The following NAV3 variants were observed in gnomAD, a reference collection of about 807,000 sequenced individuals.
NAV3 encodes pore membrane and/or filament interacting like protein 1.
NAV3 carries 87 observed loss-of-function variants against 244.7 expected under a neutral mutation model. That is an observed-to-expected ratio of 0.36 (90% CI 0.30 to 0.42). NAV3 has a LOEUF of 0.42. NAV3 is among the 20% of genes least tolerant of loss of function. The pLI is 1.00. For synonymous variants in NAV3, 1,126 were observed against 1,042.2 expected (o/e 1.08, Z -1.55); for missense variants, 2,663 against 2,893.3 (o/e 0.92, Z 1.83).
At chr12:77,872,687 T>G (rs772704174) in intron 1 of NAV3, among the ~76,000 whole-genome samples, 2 of 152,224 alleles carry the variant, frequency 1.3e-5, no homozygotes, top group Non-Finnish European at 2.9e-5. Context: ...ATTATTTTAT[T>G]TAAATCATGT....
intron 2 of NAV3, among the ~76,000 whole-genome samples, chr12:77,735,523 A>G (rs1877298900): frequency 6.6e-6 from 1 of 152,132 alleles, no homozygotes. Flanking sequence ...TGACAGGAGC[A>G]CATTCTTCCT....
At chr12:78,160,404 CGTGTGT>C (rs72534188) in intron 23 of NAV3, among the ~76,000 whole-genome samples, 11 of 144,832 alleles carry the variant, frequency 7.6e-5, no homozygotes, top group Admixed American at 2.7e-4. Context: ...TGTGTGCGTG[CGTGTGT>C]GTGTGTGTGT....
Position 78,210,476 on chromosome 12 carries a change from C to A in NAV3, c.7117C>A (p.His2373Asn). The A allele has an allele frequency of 6.2e-7, 1 of 1,613,818 alleles. No homozygotes were observed. ...CTGCGACAGCGAAAGCACCAGCCAC[C>A]ATGAAGACATTTTGGATTCATCTCT... ...QSCDSESTSH[H>N]EDILDSSLES... is the part of the protein sequence containing the mutation. The change falls in exon 40 of 40, where the codon CAT (histidine) becomes AAT (asparagine). Residue 2373 changes from histidine (H) to asparagine (N), a missense_variant. Coordinates refer to ENST00000397909, the MANE Select transcript of NAV3 (RefSeq NM_001024383.2).
chr12:77,591,017 T>C (rs114074648), intron 2 of NAV3, among the ~76,000 whole-genome samples: 2,946 of 152,234 alleles, frequency 0.019, 76 homozygotes, highest in African/African-American at 0.067. Flanking sequence ...GGAAATACAG[T>C]TTTCAGACAG....
At chr12:78,021,994 A>G in intron 9 of NAV3, 132 bp downstream of exon 9, 1 of 417,114 alleles carries the variant, frequency 2.4e-6, no homozygotes, top group Admixed American at 4.3e-5. Flanking sequence ...TCATGCTTCA[A>G]AGATCATTAA....
At chr12:78,037,181 T>G in intron 9 of NAV3, 1 of 703,018 alleles carries the variant, frequency 1.4e-6, no homozygotes, top group South Asian at 1.5e-5. Context: ...AGGAATTGTC[T>G]GCAAGAAGAG....
intron 1 of NAV3, among the ~76,000 whole-genome samples, chr12:77,877,590 C>G (rs953812135): frequency 4.6e-5 from 7 of 152,130 alleles, no homozygotes; most frequent in African/African-American, 1.7e-4. Flanking sequence ...AAGCAAGAAA[C>G]TGGCTGGTGT....
chr12:77,742,596 C>CA (rs933791116), intron 2 of NAV3, among the ~76,000 whole-genome samples: 2 of 151,754 alleles, frequency 1.3e-5, no homozygotes, highest in Admixed American at 6.6e-5. Flanking sequence ...CCATAAAACA[C>CA]AAAAAAATTT....
chr12:77,946,409 C>T (rs1890357611), intron 3 of NAV3, among the ~76,000 whole-genome samples: 1 of 151,722 alleles, frequency 6.6e-6, no homozygotes, highest in African/African-American at 2.4e-5. Context: ...TGAATTTGTC[C>T]TTTTAGCACT....
chr12:77,792,458 A>G (rs1371359890), intron 2 of NAV3, among the ~76,000 whole-genome samples: 2 of 152,160 alleles, frequency 1.3e-5, no homozygotes, highest in African/African-American at 2.4e-5. Flanking sequence ...CACTCAGACC[A>G]CAAGCTACAG....
At chr12:77,835,737 C>T in intron 1 of NAV3, among the ~76,000 whole-genome samples, 1 of 152,238 alleles carries the variant, frequency 6.6e-6, no homozygotes, top group Non-Finnish European at 1.5e-5. Context: ...GTCTCTCTAC[C>T]CACATCCATG....
intron 24 of NAV3, among the ~76,000 whole-genome samples, chr12:78,173,250 A>T (rs535050800): frequency 4.6e-5 from 7 of 151,748 alleles, no homozygotes; most frequent in African/African-American, 1.7e-4. Context: ...TATTATTAAT[A>T]TTATGGCTTT....
rs763619044 is a variant in NAV3, at chr12:78,007,341, G to A, written c.1803G>A (p.Val601=). Residue 601 remains valine, a synonymous_variant, in exon 8 of 40, where the codon GTG becomes GTA. Transcript: ENST00000397909. Reference sequence around the variant, plus strand: ...CTTCTGGTTCCTGTACCATGACAGTGGCACAAAGCAGTGGGCAGAGCACAG... The same window carrying A: ...CTTCTGGTTCCTGTACCATGACAGTAGCACAAAGCAGTGGGCAGAGCACAG... The part of the protein sequence containing the change: ...ASPSGSCTMT[V]AQSSGQSTGN... The A allele has an allele frequency of 6.2e-7, 1 of 1,614,178 alleles. No individual in the cohort carries two copies. The highest frequency in any genetic ancestry group is 1.1e-5 in the South Asian group (1 of 91,090).
chr12:77,584,855 A>G (rs1869527368), intron 2 of NAV3, among the ~76,000 whole-genome samples: 1 of 150,876 alleles, frequency 6.6e-6, no homozygotes, highest in South Asian at 2.1e-4. Flanking sequence ...TCCCCCCTCA[A>G]AAAAATGTAG....
At chr12:78,145,103 G>T (rs1217236586) in intron 20 of NAV3, 1 of 283,502 alleles carries the variant, frequency 3.5e-6, no homozygotes, top group South Asian at 2.9e-5. Flanking sequence ...ACCAAACTGT[G>T]TATAAAACCT....
intron 9 of NAV3, among the ~76,000 whole-genome samples, chr12:78,035,556 A>T (rs1304327298): frequency 6.6e-6 from 1 of 152,152 alleles, no homozygotes; most frequent in East Asian, 1.9e-4. Context: ...TTATGCTGTG[A>T]TAGGCTTATG....
At chr12:77,813,043 G>A (rs1386319526) in intron 2 of NAV3, among the ~76,000 whole-genome samples, 2 of 151,954 alleles carry the variant, frequency 1.3e-5, no homozygotes, top group African/African-American at 4.8e-5. Context: ...GGCTGGTTTT[G>A]AACTCCTGGC....
chr12:77,635,712 G>A (rs1238066066), intron 2 of NAV3, among the ~76,000 whole-genome samples: 1 of 152,048 alleles, frequency 6.6e-6, no homozygotes, highest in African/African-American at 2.4e-5. Flanking sequence ...AACATTTATT[G>A]AGCACTTACT....
intron 12 of NAV3, among the ~76,000 whole-genome samples, chr12:78,104,651 C>A (rs776300960): frequency 1.3e-5 from 2 of 152,166 alleles, no homozygotes; most frequent in Admixed American, 1.3e-4. Context: ...AATCTTCCAG[C>A]AGTTTCGCTA....
Sources: allele counts gnomAD v4.1 joint callset (sites outside exome capture counted in the v4.1 genomes callset), GRCh38; gene constraint gnomAD v4.1.1; transcripts MANE v1.5; gene names NCBI Gene and HGNC (gene_info 2026-07-23, HGNC 2026-07-21).